Variants in GABBR2 observed in about 807,000 individuals in gnomAD.
GABBR2 encodes gamma-aminobutyric acid type B receptor subunit 2, also known as G-protein coupled receptor 51.
Under a neutral mutation model 105.6 loss-of-function variants are expected in GABBR2, and 23 were observed. That is an observed-to-expected ratio of 0.22 (90% CI 0.16 to 0.31). The LOEUF (loss-of-function observed/expected upper bound fraction) is 0.31. Ranked by LOEUF, GABBR2 falls within the 10% of genes least tolerant of loss-of-function variation. The pLI is 1.00. For missense variants in GABBR2, 734 were observed against 1,245.5 expected (o/e 0.59, Z 6.18); for synonymous variants, 478 against 499.7 (o/e 0.96, Z 0.58).
chr9:98,353,533 CTCTA>C, intron 13 of GABBR2, among the ~76,000 whole-genome samples: 1 of 152,188 alleles, frequency 6.6e-6, no homozygotes, highest in East Asian at 1.9e-4. Flanking sequence ...TCAGAGAAAT[CTCTA>C]TCTATGGCAC....
intron 1 of GABBR2, among the ~76,000 whole-genome samples, chr9:98,580,075 C>A (rs566159610): frequency 1.3e-5 from 2 of 152,290 alleles, no homozygotes; most frequent in African/African-American, 4.8e-5. Context: ...TGCTGACTCC[C>A]AATCTGGCCT....
chr9:98,691,379 A>G (rs1281668371), intron 1 of GABBR2, among the ~76,000 whole-genome samples: 1 of 152,216 alleles, frequency 6.6e-6, no homozygotes, highest in East Asian at 1.9e-4. Context: ...AGGAAGTGAC[A>G]AAGCCAGGGT....
At chr9:98,696,707 A>T (rs1387241953) in intron 1 of GABBR2, among the ~76,000 whole-genome samples, 1 of 152,178 alleles carries the variant, frequency 6.6e-6, no homozygotes, top group South Asian at 2.1e-4. Context: ...CCTTGAGATG[A>T]TCCGAGTCTA....
intron 3 of GABBR2, among the ~76,000 whole-genome samples, chr9:98,498,703 C>A (rs16916531): frequency 0.28 from 42,589 of 152,166 alleles, 6,501 homozygotes; most frequent in African/African-American, 0.36. Flanking sequence ...TCACAGTCAG[C>A]GTGAACCTTG....
intron 1 of GABBR2, among the ~76,000 whole-genome samples, chr9:98,630,040 T>C (rs573272573): frequency 1.1e-4 from 16 of 152,330 alleles, no homozygotes; most frequent in African/African-American, 3.8e-4. Flanking sequence ...TGAGCCCTAT[T>C]TCAGGATTGA....
At chr9:98,485,120 C>T (rs1371381012) in intron 4 of GABBR2, among the ~76,000 whole-genome samples, 1 of 152,194 alleles carries the variant, frequency 6.6e-6, no homozygotes, top group Non-Finnish European at 1.5e-5. Flanking sequence ...CTTCCAGGGA[C>T]TTGGCTCTGC....
rs774387481 is a variant in GABBR2, at chr9:98,547,200, C to T, written c.460-5157G>A. Among the ~76,000 whole-genome samples, 5 of 115,426 alleles carry T rather than the reference C, an allele frequency of 4.3e-5. 1 individual carries two copies. The highest frequency in any genetic ancestry group is 1.1e-4 in the African/African-American group (4 of 36,552). The allele number at this position is 115,426 out of a possible 152,430, so 75.7% of individuals were successfully genotyped here. A position where few individuals can be genotyped will look rare whatever the true frequency, so the allele number is the denominator to read the frequency against. ...TGATTTTATTTGGGATAAAGAGAGC[C>T]CTATACACGACCTGTATACAATCCA... On this transcript the variant is annotated intron_variant, in intron 2 of 18. Coordinates refer to ENST00000259455, the MANE Select transcript of GABBR2 (RefSeq NM_005458.8).
intron 1 of GABBR2, among the ~76,000 whole-genome samples, chr9:98,592,411 T>G (rs1428577871): frequency 6.6e-6 from 1 of 152,224 alleles, no homozygotes; most frequent in Non-Finnish European, 1.5e-5. Flanking sequence ...TTTTTACGCA[T>G]TAGCCCACTT....
chr9:98,578,034 T>A lies in GABBR2; in HGVS notation c.360A>T (p.Ala120=). ...TCAAGTGGTTAGGCCCGTATTTTAT[T>A]GCATCGTAGAAGGCTTTCAACCCTT... ...NAKGLKAFYD[A]IKYGPNHLMV... is the part of the protein sequence containing the mutation. The change falls in exon 2 of 19, where the codon GCA becomes GCT. Residue 120 remains alanine (A), a synonymous_variant. Coordinates refer to ENST00000259455, the MANE Select transcript of GABBR2 (RefSeq NM_005458.8). 1 of 1,613,878 alleles carries A rather than the reference T, an allele frequency of 6.2e-7. No individual in the cohort carries two copies. Among genetic ancestry groups the A allele is most frequent in the Non-Finnish European group, 8.5e-7 (1 of 1,179,814 alleles).
At chr9:98,415,192 T>A (rs767859835) in intron 7 of GABBR2, among the ~76,000 whole-genome samples, 6 of 152,178 alleles carry the variant, frequency 3.9e-5, no homozygotes, top group African/African-American at 4.8e-5. Context: ...AGTGTGATTA[T>A]CGCTTTTTAT....
chr9:98,697,307 C>T (rs1489314072), intron 1 of GABBR2, among the ~76,000 whole-genome samples: 1 of 152,048 alleles, frequency 6.6e-6, no homozygotes, highest in East Asian at 1.9e-4. Context: ...CTGGCTAACA[C>T]GGTGAAACCT....
At chr9:98,672,023 C>T (rs1412512865) in intron 1 of GABBR2, among the ~76,000 whole-genome samples, 3 of 151,904 alleles carry the variant, frequency 2.0e-5, no homozygotes, top group African/African-American at 7.3e-5. Context: ...GTGCTCTCAC[C>T]AAGAGAACCC....
At chr9:98,639,859 C>T (rs1042844894) in intron 1 of GABBR2, among the ~76,000 whole-genome samples, 1 of 152,058 alleles carries the variant, frequency 6.6e-6, no homozygotes, top group Non-Finnish European at 1.5e-5. Context: ...CCTGCCCTGC[C>T]CGGCCTGGGA....
chr9:98,515,019 A>G (rs1288077511), intron 3 of GABBR2, among the ~76,000 whole-genome samples: 1 of 152,160 alleles, frequency 6.6e-6, no homozygotes, highest in African/African-American at 2.4e-5. Context: ...GCCACCAGGA[A>G]GTAGATTTCA....
intron 8 of GABBR2, among the ~76,000 whole-genome samples, chr9:98,396,543 C>A (rs924904215): frequency 2.0e-5 from 3 of 152,202 alleles, no homozygotes; most frequent in African/African-American, 7.2e-5. Flanking sequence ...CATCACACTG[C>A]GCAAGCGGCT....
intron 1 of GABBR2, among the ~76,000 whole-genome samples, chr9:98,671,246 A>C (rs1830403390): frequency 6.6e-6 from 1 of 152,200 alleles, no homozygotes; most frequent in South Asian, 2.1e-4. Context: ...CACGAATGGA[A>C]TCCCACAGGA....
chr9:98,545,082 TTCTGATGTGATTTCTTAATCACAC>T (rs1365268014), intron 2 of GABBR2, among the ~76,000 whole-genome samples: 1 of 152,212 alleles, frequency 6.6e-6, no homozygotes, highest in Non-Finnish European at 1.5e-5. Flanking sequence ...AATATTGGCT[TTCTGATGTGATTTCTTAATCACAC>T]TCTGGTTGCT....
chr9:98,706,467 T>C (rs1275426232), intron 1 of GABBR2, among the ~76,000 whole-genome samples: 1 of 152,228 alleles, frequency 6.6e-6, no homozygotes. Context: ...CTTCCCACTG[T>C]TTTCTAAATA....
At chr9:98,518,529 T>C (rs572399807) in intron 3 of GABBR2, among the ~76,000 whole-genome samples, 11 of 152,296 alleles carry the variant, frequency 7.2e-5, no homozygotes, top group South Asian at 4.1e-4. Context: ...ATGAAGTCCT[T>C]CTGGATTCTC....
Sources: gnomAD v4.1 joint callset for allele counts (sites outside exome capture counted in the v4.1 genomes callset) on GRCh38, gnomAD v4.1.1 for gene constraint, MANE v1.5 for transcripts, NCBI Gene and HGNC (gene_info 2026-07-23, HGNC 2026-07-21) for gene names.